FRMPD3: variants seen among roughly 807,000 people sequenced by gnomAD.
FRMPD3 encodes the protein FERM and PDZ domain containing 3, also known as FERM and PDZ domain-containing protein 3.
FRMPD3 carries 42 observed loss-of-function variants against 97.9 expected under a neutral mutation model. The ratio of observed to expected loss-of-function variants is 0.43; its 90% CI spans 0.34 to 0.55. FRMPD3 has a LOEUF of 0.55. Ranked by LOEUF, FRMPD3 falls within the 20% of genes least tolerant of loss-of-function variation. The pLI, the probability that FRMPD3 is intolerant of heterozygous loss-of-function variation, is 0.03. For synonymous variants in FRMPD3, 577 were observed against 581.1 expected, an observed-to-expected ratio of 0.99 and a Z score of 0.10; for missense variants, 1,303 against 1,457.7, an observed-to-expected ratio of 0.89 and a Z score of 1.73.
At position 107,534,411 on chromosome X, in the gene FRMPD3, A is replaced by G. The variant is rs181526399; in HGVS notation, c.297+861A>G. Among the ~76,000 whole-genome samples the G allele has an allele frequency of 7.2e-3, 791 of 110,624 alleles. 10 individuals are homozygous for G. The highest frequency in any genetic ancestry group is 0.025 in the African/African-American group (751 of 30,357). The stretch of plus-strand genomic sequence containing the variant: ...TGCCATACCCTCAATATATAGCCAC[A>G]GGAGAGATCACATCTGTTGGGGGTG... On this transcript the variant is annotated intron_variant, in intron 4 of 14. Coordinates refer to ENST00000683843, the MANE Select transcript of FRMPD3 (RefSeq NM_001388459.1).
intron 13 of FRMPD3, 119 bp downstream of exon 13, chrX:107,576,578 A>C (rs774914068): frequency 3.8e-6 from 3 of 792,312 alleles, no homozygotes; most frequent in Non-Finnish European, 5.5e-6. Flanking sequence ...CTGATTTGCC[A>C]GGAGCCAACA....
intron 11 of FRMPD3, among the ~76,000 whole-genome samples, chrX:107,563,655 A>AT (rs776042266): frequency 7.2e-5 from 8 of 111,741 alleles, no homozygotes; most frequent in African/African-American, 2.3e-4. Flanking sequence ...GCCTCTTCTG[A>AT]TTTTTTTTCC....
At chrX:107,524,810 C>T (rs1371278249) in intron 1 of FRMPD3, among the ~76,000 whole-genome samples, 2 of 109,957 alleles carry the variant, frequency 1.8e-5, no homozygotes, top group East Asian at 2.9e-4. Flanking sequence ...CTGGCCAACA[C>T]GGTGAAACCA....
At position 107,603,619 on chromosome X, in the gene FRMPD3, C is replaced by T; in HGVS notation, c.*246C>T. On this transcript the variant is annotated 3_prime_UTR_variant, in exon 15 of 15. Coordinates refer to ENST00000683843, the MANE Select transcript of FRMPD3 (RefSeq NM_001388459.1). ...GGGCCTCACTGTGAGGGCAAAGGCC[C>T]CTCTTCACTCTGCTCACAGCAGAGC... 1 of 441,131 alleles carries T rather than the reference C, an allele frequency of 2.3e-6. No homozygotes were observed. The highest frequency in any genetic ancestry group is 3.6e-6 in the Non-Finnish European group (1 of 278,888). 36.4% of individuals were successfully genotyped at this position (441,131 alleles called of 1,213,427 possible).
chrX:107,453,074 G>A (rs1394891165), intron 1 of FRMPD3, among the ~76,000 whole-genome samples: 3 of 111,404 alleles, frequency 2.7e-5, no homozygotes, highest in African/African-American at 9.8e-5. Flanking sequence ...TAAATGATTG[G>A]ACTCCGTGGC....
chrX:107,525,596 C>T lies in FRMPD3; in HGVS notation c.-7-986C>T, dbSNP rs1351231050. The stretch of plus-strand genomic sequence containing the variant: ...CTCCCAGTTCCTCTGGGCTTTCAGG[C>T]CTGCTGGCAGCCCCAGGATGCAGCT... On this transcript the variant is annotated intron_variant, in intron 1 of 14. Transcript: ENST00000683843. 1.6e-5 allele frequency: 9 copies of T among 557,270 alleles called. No homozygotes were observed. The African/African-American group carries it at 1.8e-4, about 11-fold the overall frequency. 45.9% of individuals were successfully genotyped at this position (557,270 alleles called of 1,213,427 possible).
At position 107,550,246 on chromosome X, in the gene FRMPD3, C is replaced by T. The variant is rs1276121454; in HGVS notation, c.510+90C>T. 4 of 603,498 alleles carry T rather than the reference C, an allele frequency of 6.6e-6. No homozygotes were observed. The African/African-American group carries it at 8.9e-5, about 13-fold the overall frequency. The allele number at this position is 603,498 out of a possible 1,213,427, so 49.7% of individuals were successfully genotyped here. A position where few individuals can be genotyped will look rare whatever the true frequency, so the allele number is the denominator to read the frequency against. ...TGTGTTCCTCTGAGTCTGCACATAG[C>T]TGCTTGCCACTGGAGTAAGGTGGCC... On this transcript the variant is annotated intron_variant, in intron 6 of 14. Coordinates refer to ENST00000683843, the MANE Select transcript of FRMPD3 (RefSeq NM_001388459.1).
intron 1 of FRMPD3, among the ~76,000 whole-genome samples, chrX:107,482,934 C>CAAAAAG (rs1018682094): frequency 7.2e-5 from 8 of 111,820 alleles, no homozygotes; most frequent in African/African-American, 2.6e-4. Flanking sequence ...AAAACTCCCT[C>CAAAAAG]AAAAAGAAAA....
chrX:107,594,128 G>T (rs1924046938), intron 13 of FRMPD3, among the ~76,000 whole-genome samples: 3 of 111,692 alleles, frequency 2.7e-5, no homozygotes, highest in Admixed American at 9.6e-5. Context: ...GCTATTGTAA[G>T]AAGGGTGAAG....
rs12006998 is a variant in FRMPD3 at position 107,603,884 on chromosome X, T to C, written c.*511T>C. The C allele has an allele frequency of 0.17, 18,879 of 113,071 alleles. 3,461 individuals are homozygous for C. The highest frequency in any genetic ancestry group is 0.55 in the African/African-American group (16,721 of 30,501). The allele number at this position is 113,071 out of a possible 1,213,427, so 9.3% of individuals were successfully genotyped here. A position where few individuals can be genotyped will look rare whatever the true frequency, so the allele number is the denominator to read the frequency against. On this transcript the variant is annotated 3_prime_UTR_variant, in exon 15 of 15. Transcript: ENST00000683843. ...CCACCTTGGGCTCACACTCACCTGG[T>C]AGATGCCACCCTGAGGGCCTGTGCC...
In FRMPD3 at chrX:107,540,237, G is replaced by A. The variant is rs757884508; in HGVS notation, c.298-5500G>A. 2.7e-5 allele frequency among the ~76,000 whole-genome samples: 3 copies of A among 112,099 alleles called. No individual in the cohort carries two copies. In the East Asian group the frequency reaches 8.4e-4, roughly 31 times the overall value. On this transcript the variant is annotated intron_variant, in intron 4 of 14. Transcript: ENST00000683843. ...GTAGTGATCTGGTGAAACCAGGATG[G>A]TCCTCCATTGTCCTAGGCTCCCACA...
intron 1 of FRMPD3, among the ~76,000 whole-genome samples, chrX:107,508,076 T>C (rs979446394): frequency 2.7e-5 from 3 of 111,914 alleles, no homozygotes; most frequent in Non-Finnish European, 3.8e-5. Context: ...GATGAGGAAA[T>C]TGAAGCACAG....
At chrX:107,526,900 T>C (rs1057223094) in intron 2 of FRMPD3, among the ~76,000 whole-genome samples, 164 bp downstream of exon 2, 6 of 111,817 alleles carry the variant, frequency 5.4e-5, no homozygotes, top group Non-Finnish European at 1.1e-4. Flanking sequence ...GGAGCTGGCC[T>C]TTTAAGACTG....
intron 6 of FRMPD3, 111 bp downstream of exon 6, chrX:107,550,267 T>C: frequency 3.7e-6 from 2 of 541,674 alleles, no homozygotes; most frequent in South Asian, 5.9e-5. Flanking sequence ...TGGAGTAAGG[T>C]GGCCTTTAAG....
intron 8 of FRMPD3, 65 bp from the exon 9 acceptor site, chrX:107,560,192 T>A: frequency 8.7e-7 from 1 of 1,147,379 alleles, no homozygotes; most frequent in Non-Finnish European, 1.2e-6. Flanking sequence ...TGTAAGGGAG[T>A]AGATCAGGGG....
chrX:107,531,043 G>A (rs781046849), intron 3 of FRMPD3, among the ~76,000 whole-genome samples: 1 of 107,952 alleles, frequency 9.3e-6, no homozygotes, highest in Non-Finnish European at 1.9e-5. Flanking sequence ...GAACATTGTG[G>A]GATTACCACT....
rs776277144 is a variant in FRMPD3 at position 107,602,480 on chromosome X, G to C, written c.4441G>C (p.Glu1481Gln). Residue 1481 changes from glutamate to glutamine, a missense_variant, in exon 15 of 15, where the codon GAG becomes CAG. By Grantham distance (29) the Glu-to-Gln change is conservative (BLOSUM62 2). This residue lies in a region of FRMPD3 where 764 missense variants were observed against 820.2 expected (regional missense o/e 0.93). Transcript: ENST00000683843. The part of the protein sequence containing the change: ...LPEEVYRKPA[E>Q]LDEDSESSKC... ...CGAGGAGGTGTACCGGAAGCCTGCC[G>C]AGCTAGACGAGGACAGTGAGAGCAG... 8.3e-7 allele frequency: 1 copy of C among 1,210,329 alleles called. No individual in the cohort carries two copies. Among genetic ancestry groups the C allele is most frequent in the Non-Finnish European group, 1.1e-6 (1 of 895,286 alleles).
chrX:107,600,570 C>T lies in FRMPD3; in HGVS notation c.2531C>T (p.Pro844Leu). 8.3e-7 allele frequency: 1 copy of T among 1,211,081 alleles called. No homozygotes were observed. The highest frequency in any genetic ancestry group is 1.8e-5 in the South Asian group (1 of 56,972). Residue 844 changes from proline to leucine, a missense_variant, in exon 15 of 15, where the codon CCC becomes CTC. Transcript: ENST00000683843. Reference sequence around the variant, plus strand: ...CCGGATCCCAACCCATCTCTCCAACCCATTGCCACAGGCCAGAGTCCTGGC... The same window carrying T: ...CCGGATCCCAACCCATCTCTCCAACTCATTGCCACAGGCCAGAGTCCTGGC... ...GRPDPNPSLQ[P>L]IATGQSPGPP...
chrX:107,492,839 G>A (rs750902759), intron 1 of FRMPD3, among the ~76,000 whole-genome samples: 2 of 111,682 alleles, frequency 1.8e-5, no homozygotes, highest in Non-Finnish European at 3.8e-5. Flanking sequence ...AAATACCACA[G>A]CTAGAAACCC....
Sources: allele counts gnomAD v4.1 joint callset (sites outside exome capture counted in the v4.1 genomes callset), GRCh38; gene constraint gnomAD v4.1.1; regional missense constraint gnomAD v4.1.1; transcripts MANE v1.5; gene names NCBI Gene and HGNC (gene_info 2026-07-23, HGNC 2026-07-21).